EEA1: variants seen among roughly 807,000 people sequenced by gnomAD.
The protein encoded by EEA1 is early endosome antigen 1, also known as early endosome antigen 1, 162kD.
Under a neutral mutation model 209.2 loss-of-function variants are expected in EEA1, and 111 were observed. That is an observed-to-expected ratio of 0.53 (90% CI 0.45 to 0.62). The LOEUF (loss-of-function observed/expected upper bound fraction) is 0.62. Ranked by LOEUF, EEA1 falls within the 20% of genes least tolerant of loss-of-function variation. The pLI, the probability that EEA1 is intolerant of heterozygous loss-of-function variation, is 0.00. For missense variants in EEA1, 1,343 were observed against 1,530.8 expected, an observed-to-expected ratio of 0.88 and a Z score of 2.05; for synonymous variants, 536 against 540.6, an observed-to-expected ratio of 0.99 and a Z score of 0.12.
At chr12:92,916,419 C>A (rs1487357443) in intron 1 of EEA1, among the ~76,000 whole-genome samples, 3 of 151,378 alleles carry the variant, frequency 2.0e-5, no homozygotes, top group African/African-American at 4.9e-5. Flanking sequence ...CTTTGGGTGG[C>A]TGAGGTGGGC....
intron 6 of EEA1, among the ~76,000 whole-genome samples, chr12:92,853,351 T>C (rs1877721142): frequency 6.6e-6 from 1 of 152,174 alleles, no homozygotes; most frequent in Non-Finnish European, 1.5e-5. Context: ...ACACCCCTTA[T>C]CTTTTTTTTA....
At chr12:92,871,277 T>C (rs985779923) in intron 2 of EEA1, among the ~76,000 whole-genome samples, 2 of 152,194 alleles carry the variant, frequency 1.3e-5, no homozygotes, top group Admixed American at 6.5e-5. Flanking sequence ...GAAACTTCCT[T>C]TAAGCATGCA....
intron 2 of EEA1, among the ~76,000 whole-genome samples, chr12:92,866,566 G>C (rs555634313): frequency 1.3e-5 from 2 of 151,538 alleles, no homozygotes; most frequent in Non-Finnish European, 1.5e-5. Context: ...TCCCTTTAAA[G>C]ATCACTGTTC....
At chr12:92,858,186 C>G in intron 3 of EEA1, 1 of 679,456 alleles carries the variant, frequency 1.5e-6, no homozygotes, top group African/African-American at 1.8e-5. Context: ...GATCTGTGAC[C>G]AGATCAGTGA....
At chr12:92,843,947 G>GA (rs759369269) in intron 9 of EEA1, among the ~76,000 whole-genome samples, 34 of 152,072 alleles carry the variant, frequency 2.2e-4, no homozygotes, top group Non-Finnish European at 2.8e-4. Flanking sequence ...AACCCTTCCA[G>GA]AGTGTGTGGA....
chr12:92,853,561 A>G (rs1347552819), intron 6 of EEA1, among the ~76,000 whole-genome samples: 2 of 152,204 alleles, frequency 1.3e-5, no homozygotes, highest in Non-Finnish European at 2.9e-5. Context: ...AAGGCCTTTT[A>G]ATTCATTAAA....
At chr12:92,857,672 GCTTA>G (rs1281969173) in intron 3 of EEA1, among the ~76,000 whole-genome samples, 187 bp from the exon 4 acceptor site, 1 of 151,874 alleles carries the variant, frequency 6.6e-6, no homozygotes, top group African/African-American at 2.4e-5. Flanking sequence ...TATTCCTAAA[GCTTA>G]CTGTTTATAA....
In EEA1 at chr12:92,798,906, C is replaced by A; in HGVS notation, c.2953G>T (p.Ala985Ser). ...IEALQGELKI[A>S]VLQKTELENK... is the part of the protein sequence containing the mutation. ...TATATCACTACCTTCTGTAAAACAG[C>A]AATTTTAAGCTCTCCTTGGAGTGCT... Residue 985 changes from alanine to serine, a missense_variant, in exon 21 of 29, where the codon GCT (alanine) becomes TCT (serine). Physicochemically the swap from Ala to Ser is moderately conservative, Grantham distance 99. Around this residue, in one of 3 missense-constraint regions of EEA1, gnomAD observed 1,307 missense variants for 1,465.5 expected, o/e 0.89. Coordinates refer to ENST00000322349, the MANE Select transcript of EEA1 (RefSeq NM_003566.4). 1 of 1,586,500 alleles carries A rather than the reference C, an allele frequency of 6.3e-7. No individual in the cohort carries two copies. The highest frequency in any genetic ancestry group is 8.5e-7 in the Non-Finnish European group (1 of 1,172,070).
At chr12:92,839,150 A>G (rs2136698925) in intron 10 of EEA1, among the ~76,000 whole-genome samples, 1 of 152,330 alleles carries the variant, frequency 6.6e-6, no homozygotes, top group East Asian at 1.9e-4. Flanking sequence ...GATATTGACA[A>G]ATGTGACTGT....
At chr12:92,822,983 T>C (rs1445619239) in intron 13 of EEA1, among the ~76,000 whole-genome samples, 1 of 152,120 alleles carries the variant, frequency 6.6e-6, no homozygotes, top group East Asian at 1.9e-4. Flanking sequence ...TTCTCCCTCA[T>C]CCCTTTTATC....
chr12:92,849,883 AGAG>A lies in EEA1; in HGVS notation c.798+1225_798+1227del, dbSNP rs375310351. Among the ~76,000 whole-genome samples, 485 of 152,340 alleles carry A rather than the reference AGAG, an allele frequency of 3.2e-3. 1 individual carries two copies. Among genetic ancestry groups the A allele is most frequent in the Middle Eastern group, 0.017 (5 of 294 alleles). On this transcript the variant is annotated intron_variant, in intron 9 of 28. Transcript: ENST00000322349. The stretch of plus-strand genomic sequence containing the variant: ...TTTTTAAACTGAAAATATGAAAATC[AGAG>A]GTCTACTTTACATAAGGGAGCTTAA...
intron 5 of EEA1, among the ~76,000 whole-genome samples, chr12:92,856,265 A>G (rs1397726435): frequency 6.6e-6 from 1 of 152,204 alleles, no homozygotes; most frequent in East Asian, 1.9e-4. Flanking sequence ...GATTCTTCCT[A>G]TAATTTCAGA....
chr12:92,775,665 C>G lies in EEA1; in HGVS notation c.*346G>C, dbSNP rs1416822779. ...ATTAAATTTAGGAGAAAGAAGTAAG[C>G]TATGGAATTGCATTCTTCATTTGTG... On this transcript the variant is annotated 3_prime_UTR_variant, in exon 29 of 29. Coordinates refer to ENST00000322349, the MANE Select transcript of EEA1 (RefSeq NM_003566.4). 5.9e-6 allele frequency: 1 copy of G among 168,432 alleles called. No individual in the cohort carries two copies. The highest frequency in any genetic ancestry group is 1.3e-5 in the Non-Finnish European group (1 of 78,916). 10.4% of individuals were successfully genotyped at this position (168,432 alleles called of 1,614,324 possible). A position where few individuals can be genotyped will look rare whatever the true frequency, so the allele number is the denominator to read the frequency against.
chr12:92,797,426 T>C (rs1874704511), intron 21 of EEA1, among the ~76,000 whole-genome samples: 1 of 152,166 alleles, frequency 6.6e-6, no homozygotes, highest in Non-Finnish European at 1.5e-5. Context: ...TGTTACTTTT[T>C]ATTGCTTTTC....
At chr12:92,858,281 T>C in intron 3 of EEA1, 1 of 737,914 alleles carries the variant, frequency 1.4e-6, no homozygotes, top group East Asian at 2.5e-5. Context: ...TGATCCTTCT[T>C]GCACGTGAAA....
At chr12:92,859,147 G>T in intron 3 of EEA1, 1 of 1,469,874 alleles carries the variant, frequency 6.8e-7, no homozygotes, top group South Asian at 1.2e-5. Context: ...GAAGAATTTT[G>T]ATCTCCACCC....
chr12:92,790,937 C>G (rs1874375029), intron 21 of EEA1, among the ~76,000 whole-genome samples: 1 of 152,176 alleles, frequency 6.6e-6, no homozygotes, highest in South Asian at 2.1e-4. Flanking sequence ...GACAGAAACC[C>G]TACAAGCCAG....
intron 1 of EEA1, among the ~76,000 whole-genome samples, chr12:92,903,922 T>C (rs935917888): frequency 6.6e-6 from 1 of 152,068 alleles, no homozygotes; most frequent in African/African-American, 2.4e-5. Context: ...CTTCCACCCA[T>C]AATTTTTTGT....
intron 1 of EEA1, among the ~76,000 whole-genome samples, chr12:92,892,693 G>A (rs1035981546): frequency 1.3e-5 from 2 of 152,098 alleles, no homozygotes; most frequent in African/African-American, 4.8e-5. Context: ...TCCTGCCTCA[G>A]ACTCCTGAGT....
Sources: gnomAD v4.1 joint callset for allele counts (sites outside exome capture counted in the v4.1 genomes callset) on GRCh38, gnomAD v4.1.1 for gene constraint, gnomAD v4.1.1 regional missense constraint, MANE v1.5 for transcripts, NCBI Gene and HGNC (gene_info 2026-07-23, HGNC 2026-07-21) for gene names.